Variants in SRCAP observed in about 807,000 individuals in gnomAD.
The protein encoded by SRCAP is chromatin remodeling protein SRCAP.
SRCAP carries 46 observed loss-of-function variants against 263.1 expected under a neutral mutation model. The ratio of observed to expected loss-of-function variants is 0.17; its 90% CI spans 0.14 to 0.22. SRCAP has a LOEUF of 0.22. SRCAP is among the 10% of genes least tolerant of loss of function. The pLI, the probability that SRCAP is intolerant of heterozygous loss-of-function variation, is 1.00. For missense variants in SRCAP, 3,695 were observed against 4,181.9 expected (o/e 0.88, Z 3.21); for synonymous variants, 1,813 against 1,662.1 (o/e 1.09, Z -2.21).
chr16:30,716,555 TG>T, intron 18 of SRCAP, 76 bp downstream of exon 18: 1 of 1,403,800 alleles, frequency 7.1e-7, no homozygotes, highest in African/African-American at 1.4e-5. Flanking sequence ...TTCGTTAGAC[TG>T]GGGTCTGACT....
rs759692457 is a variant in SRCAP at position 30,724,386 on chromosome 16, G to A, written c.4962G>A (p.Val1654=). 6.2e-7 allele frequency: 1 copy of A among 1,614,116 alleles called. No individual in the cohort carries two copies. Among genetic ancestry groups the A allele is most frequent in the South Asian group, 1.1e-5 (1 of 91,080 alleles). The change falls in exon 25 of 34, where the codon GTG becomes GTA. Residue 1654 remains valine (V), a synonymous_variant. Coordinates refer to ENST00000262518, the MANE Select transcript of SRCAP (RefSeq NM_006662.3). ...CACCGGTACCAGCTCCAACCCCTGTGTTGGCTCCATCATCAACTCAAACTA... is the reference window on the plus strand; with the variant it reads ...CACCGGTACCAGCTCCAACCCCTGTATTGGCTCCATCATCAACTCAAACTA... ...SASPVPAPTP[V]LAPSSTQTML...
At position 30,739,183 on chromosome 16, in the gene SRCAP, G is replaced by A; in HGVS notation, c.9143G>A (p.Gly3048Glu). ...LGRRRQPQGQ[G>E]ESEGSSSDED... ...AGGCGACGGCAACCCCAGGGCCAAGGGGAGAGTGAGGGTAGTTCCTCTGAT... is the reference window on the plus strand; with the variant it reads ...AGGCGACGGCAACCCCAGGGCCAAGAGGAGAGTGAGGGTAGTTCCTCTGAT... Residue 3048 changes from glycine (G) to glutamate (E), a missense_variant, in exon 34 of 34, where the codon GGG becomes GAG. Physicochemically the swap from Gly to Glu is moderately conservative, Grantham distance 98. Coordinates refer to ENST00000262518, the MANE Select transcript of SRCAP (RefSeq NM_006662.3). 2.5e-6 allele frequency: 4 copies of A among 1,613,894 alleles called. No homozygotes were observed. Among genetic ancestry groups the A allele is most frequent in the Non-Finnish European group, 3.4e-6 (4 of 1,180,014 alleles).
Position 30,711,558 on chromosome 16 carries a change from G to C in SRCAP, c.1319-13G>C, listed in dbSNP as rs781328556. The C allele has an allele frequency of 3.2e-6, 5 of 1,569,104 alleles. No homozygotes were observed. The South Asian group carries it at 5.9e-5, about 18-fold the overall frequency. On this transcript the variant is annotated splice_polypyrimidine_tract_variant and intron_variant, in intron 10 of 33. Coordinates refer to ENST00000262518, the MANE Select transcript of SRCAP (RefSeq NM_006662.3). ...CCCTCAGAGCAACCAAAAGCTTTTT[G>C]TTTCTCTTCCAGGTGAGCTTTCCAT...
At chr16:30,711,488 C>T (rs990019733) in intron 10 of SRCAP, 83 bp from the exon 11 acceptor site, 3 of 1,397,122 alleles carry the variant, frequency 2.1e-6, no homozygotes, top group South Asian at 1.4e-5. Context: ...CTACAGAGAC[C>T]TAGGTAAAAT....
Position 30,712,749 on chromosome 16 carries a change from G to C in SRCAP, c.2064G>C (p.Arg688=), listed in dbSNP as rs4889500. The stretch of plus-strand genomic sequence containing the variant: ...TGAACTGGGAGATGGAGTTGAAACG[G>C]TGGTGCCCCAGCTTTAAAATCCTCA... The part of the protein sequence containing the change: ...VMLNWEMELK[R]WCPSFKILTY... Residue 688 remains arginine (R), a synonymous_variant, in exon 14 of 34, where the codon CGG becomes CGC. Coordinates refer to ENST00000262518, the MANE Select transcript of SRCAP (RefSeq NM_006662.3). 2.0e-5 allele frequency: 33 copies of C among 1,614,002 alleles called. No homozygotes were observed. Among genetic ancestry groups the C allele is most frequent in the Non-Finnish European group, 2.5e-5 (29 of 1,180,018 alleles).
At position 30,739,423 on chromosome 16, in the gene SRCAP, T is replaced by C; in HGVS notation, c.9383T>C (p.Val3128Ala). The C allele has an allele frequency of 1.2e-6, 2 of 1,613,966 alleles. No individual in the cohort carries two copies. Among genetic ancestry groups the C allele is most frequent in the Non-Finnish European group, 1.7e-6 (2 of 1,179,966 alleles). Residue 3128 changes from valine (V) to alanine (A), a missense_variant, in exon 34 of 34, where the codon GTC (valine) becomes GCC (alanine). Val to Ala is a moderately conservative substitution (Grantham distance 64, BLOSUM62 0). Transcript: ENST00000262518. ...ACCCGGCTGCGTCCAGGGTCTCTAG[T>C]CCCCCCACTAGAGACTGAGAAGTTG... ...RSTRLRPGSL[V>A]PPLETEKLPR...
intron 30 of SRCAP, 29 bp downstream of exon 30, chr16:30,734,037 A>G: frequency 6.4e-7 from 1 of 1,556,488 alleles, no homozygotes; most frequent in Non-Finnish European, 8.7e-7. Context: ...TAGCCTATGC[A>G]GGAGAAAACT....
chr16:30,735,101 G>T (rs1334716236), intron 31 of SRCAP, among the ~76,000 whole-genome samples: 4 of 149,990 alleles, frequency 2.7e-5, no homozygotes, highest in African/African-American at 9.9e-5. Context: ...TTATGTGTAA[G>T]TATTTGAAAC....
At chr16:30,717,985 C>T (rs2052970148) in intron 18 of SRCAP, among the ~76,000 whole-genome samples, 1 of 150,960 alleles carries the variant, frequency 6.6e-6, no homozygotes, top group Admixed American at 6.6e-5. Flanking sequence ...TTTCAAACTC[C>T]TGGACGAGTA....
At position 30,733,155 on chromosome 16, in the gene SRCAP, C is replaced by T. The variant is rs770028345; in HGVS notation, c.6128-125C>T. On this transcript the variant is annotated intron_variant, in intron 27 of 33. Transcript: ENST00000262518. The surrounding 1 kb of genome is among the most constrained non-coding windows in gnomAD (Gnocchi z 5.3). ...CCTGCCGTAGTTAAACATTTTTGAT[C>T]TGCTAGGCTAATTGAAACTTTGGCT... 5 of 1,123,746 alleles carry T rather than the reference C, an allele frequency of 4.4e-6. No individual in the cohort carries two copies. Among genetic ancestry groups the T allele is most frequent in the Non-Finnish European group, 6.4e-6 (5 of 784,740 alleles). The allele number at this position is 1,123,746 out of a possible 1,614,324, so 69.6% of individuals were successfully genotyped here.
At chr16:30,702,864 A>G (rs2052783777) in intron 3 of SRCAP, among the ~76,000 whole-genome samples, 1 of 151,160 alleles carries the variant, frequency 6.6e-6, no homozygotes, top group Admixed American at 6.6e-5. Flanking sequence ...TCGGCCTCCC[A>G]AAGTCCACCG....
Position 30,707,042 on chromosome 16 carries a change from T to C in SRCAP, c.307-141T>C. On this transcript the variant is annotated intron_variant, in intron 4 of 33. Transcript: ENST00000262518. The stretch of plus-strand genomic sequence containing the variant: ...TTTTTTCCCTTCTCTGAAGAGAGTA[T>C]GATACCTGCCTGTAAGTTTGGTATG... 6.7e-6 allele frequency: 5 copies of C among 741,690 alleles called. No homozygotes were observed. The East Asian group carries it at 1.4e-4, about 20-fold the overall frequency. The allele number at this position is 741,690 out of a possible 1,614,324, so 45.9% of individuals were successfully genotyped here.
rs142287264 is a variant in SRCAP, at chr16:30,711,849, C to T, written c.1507C>T (p.Arg503Trp). The change falls in exon 12 of 34, where the codon CGG becomes TGG. Residue 503 changes from arginine to tryptophan, a missense_variant. Arg to Trp is a moderately radical substitution (Grantham distance 101). This residue lies in a region of SRCAP where 288 missense variants were observed against 302.4 expected (regional missense o/e 0.95). Coordinates refer to ENST00000262518, the MANE Select transcript of SRCAP (RefSeq NM_006662.3). ...SSSQSDSVEDRSEDEEDEHSE... is the reference protein window; with the variant it reads ...SSSQSDSVEDWSEDEEDEHSE... ...TTACCCTTTAGACTCTGTGGAGGACCGGAGTGAGGATGAGGAAGATGAACA... is the reference window on the plus strand; with the variant it reads ...TTACCCTTTAGACTCTGTGGAGGACTGGAGTGAGGATGAGGAAGATGAACA... 34 of 1,613,368 alleles carry T rather than the reference C, an allele frequency of 2.1e-5. No homozygotes were observed. The African/African-American group carries it at 3.3e-4, about 16-fold the overall frequency.
At chr16:30,721,769 A>G (rs2053014094) in intron 21 of SRCAP, among the ~76,000 whole-genome samples, 1 of 152,250 alleles carries the variant, frequency 6.6e-6, no homozygotes, top group African/African-American at 2.4e-5. Flanking sequence ...AGCCCTTAAG[A>G]AATTGACATA....
rs142523764 is a variant in SRCAP at position 30,738,525 on chromosome 16, C to T, written c.8485C>T (p.Arg2829Cys). The change falls in exon 34 of 34, where the codon CGT becomes TGT. Residue 2829 changes from arginine to cysteine, a missense_variant. By Grantham distance (180) the Arg-to-Cys change is radical. Coordinates refer to ENST00000262518, the MANE Select transcript of SRCAP (RefSeq NM_006662.3). ...TPPQQPFIAR[R>C]HIELGVTGGG... ...ACCCCAGCAGCCCTTCATTGCTCGC[C>T]GTCACATTGAGCTGGGGGTGACTGG... 15 of 1,612,012 alleles carry T rather than the reference C, an allele frequency of 9.3e-6. No homozygotes were observed. In the East Asian group the frequency reaches 1.1e-4, roughly 12 times the overall value.
Position 30,720,823 on chromosome 16 carries a change from C to T in SRCAP, c.3098C>T (p.Ser1033Leu), listed in dbSNP as rs748534359. Residue 1033 changes from serine to leucine, a missense_variant, in exon 20 of 34, where the codon TCA (serine) becomes TTA (leucine). By Grantham distance (145) the Ser-to-Leu change is moderately radical. This residue lies in a region of SRCAP where 1,347 missense variants were observed against 1,304.4 expected (regional missense o/e 1.03). Transcript: ENST00000262518. The stretch of plus-strand genomic sequence containing the variant: ...CGACCTCCTCCAGGTCCTGAGCTCT[C>T]AGCCCAGCCCACCCCTGGCCCAGTC... Reference protein sequence around the residue: ...PVRPPPGPELSAQPTPGPVPQ... With the variant: ...PVRPPPGPELLAQPTPGPVPQ... 2 of 1,614,126 alleles carry T rather than the reference C, an allele frequency of 1.2e-6. No individual in the cohort carries two copies. The highest frequency in any genetic ancestry group is 2.2e-5 in the South Asian group (2 of 91,080).
intron 33 of SRCAP, among the ~76,000 whole-genome samples, 161 bp from the exon 34 acceptor site, chr16:30,736,888 G>T (rs978335753): frequency 7.2e-5 from 11 of 152,046 alleles, no homozygotes; most frequent in Admixed American, 2.6e-4. Flanking sequence ...TGGCCAGGCT[G>T]GTCTTGAACT....
In SRCAP at chr16:30,724,262, C is replaced by T. The variant is rs2053040690; in HGVS notation, c.4838C>T (p.Ala1613Val). Reference protein sequence around the residue: ...APPLAPLPVLAPSPGAAPVLA... With the variant: ...APPLAPLPVLVPSPGAAPVLA... ...CCTCTGGCTCCTCTTCCGGTCCTGGCACCATCGCCAGGTGCTGCTCCTGTC... is the reference window on the plus strand; with the variant it reads ...CCTCTGGCTCCTCTTCCGGTCCTGGTACCATCGCCAGGTGCTGCTCCTGTC... Residue 1613 changes from alanine (A) to valine (V), a missense_variant, in exon 25 of 34, where the codon GCA (alanine) becomes GTA (valine). Coordinates refer to ENST00000262518, the MANE Select transcript of SRCAP (RefSeq NM_006662.3). 3 of 1,614,074 alleles carry T rather than the reference C, an allele frequency of 1.9e-6. No individual in the cohort carries two copies. The highest frequency in any genetic ancestry group is 2.5e-6 in the Non-Finnish European group (3 of 1,180,004).
Position 30,729,184 on chromosome 16 carries a change from A to G in SRCAP, c.5877A>G (p.Val1959=), listed in dbSNP as rs937586190. ...ATACCGAGGCTGCCCACCGGGCTGTACTGTTTCCCCAGCAGCGACTAGACC... is the reference window on the plus strand; with the variant it reads ...ATACCGAGGCTGCCCACCGGGCTGTGCTGTTTCCCCAGCAGCGACTAGACC... ...WTYTEAAHRA[V]LFPQQRLDQL... The change falls in exon 26 of 34, where the codon GTA becomes GTG. Residue 1959 remains valine (V), a synonymous_variant. Coordinates refer to ENST00000262518, the MANE Select transcript of SRCAP (RefSeq NM_006662.3). The G allele has an allele frequency of 3.1e-6, 5 of 1,613,130 alleles. No homozygotes were observed. Among genetic ancestry groups the G allele is most frequent in the African/African-American group, 2.7e-5 (2 of 74,870 alleles).
Sources: gnomAD v4.1 joint callset for allele counts (sites outside exome capture counted in the v4.1 genomes callset) on GRCh38, gnomAD v4.1.1 for gene constraint, gnomAD v4.1.1 regional missense constraint, Gnocchi (gnomAD v3.1) non-coding constraint, MANE v1.5 for transcripts, NCBI Gene and HGNC (gene_info 2026-07-23, HGNC 2026-07-21) for gene names.